SATB2: variants seen among roughly 807,000 people sequenced by gnomAD.
The protein encoded by SATB2 is DNA-binding protein SATB2.
A neutral mutation model predicts 73.4 loss-of-function variants in SATB2; 1 was observed. The observed-to-expected ratio is 0.01, with a 90% CI of 0.00 to 0.06. The LOEUF (loss-of-function observed/expected upper bound fraction) is 0.06, where lower values mean the gene tolerates loss of function less well. Among genes scored for constraint, SATB2 ranks in the 10% least tolerant of loss-of-function variants. The probability of loss-of-function intolerance (pLI) is 1.00; values close to 1 mark genes in which losing one functional copy is unlikely to be tolerated. For synonymous variants in SATB2, 397 were observed against 367.0 expected (o/e 1.08, Z -0.93); for missense variants, 459 against 945.8 (o/e 0.49, Z 6.75).
intron 10 of SATB2, among the ~76,000 whole-genome samples, chr2:199,273,255 C>A (rs1489593698): frequency 6.6e-6 from 1 of 152,152 alleles, no homozygotes; most frequent in East Asian, 1.9e-4. Context: ...CAGGAAAGGG[C>A]AAGATAGTAA....
chr2:199,307,538 T>C (rs1345472038), intron 10 of SATB2, among the ~76,000 whole-genome samples: 1 of 152,178 alleles, frequency 6.6e-6, no homozygotes, highest in Non-Finnish European at 1.5e-5. Context: ...GGGATCACTG[T>C]GGATATTGCA....
intron 3 of SATB2, among the ~76,000 whole-genome samples, chr2:199,391,432 C>CAAAA (rs56190034): frequency 9.1e-5 from 9 of 98,574 alleles, no homozygotes; most frequent in African/African-American, 2.0e-4. Context: ...GACTCCGTCT[C>CAAAA]AAAAAAAAAA....
At chr2:199,379,531 T>TA (rs1485287199) in intron 5 of SATB2, among the ~76,000 whole-genome samples, 1 of 152,136 alleles carries the variant, frequency 6.6e-6, no homozygotes, top group Non-Finnish European at 1.5e-5. Context: ...GCCTGCCACT[T>TA]AGCCAGCTAG....
At chr2:199,364,320 G>A (rs377042089) in intron 6 of SATB2, among the ~76,000 whole-genome samples, 11 of 152,192 alleles carry the variant, frequency 7.2e-5, no homozygotes, top group Admixed American at 2.0e-4. Context: ...TGTGTTTACC[G>A]AAACCCTTCA....
intron 3 of SATB2, among the ~76,000 whole-genome samples, chr2:199,403,162 A>G (rs1349000401): frequency 3.9e-5 from 6 of 152,168 alleles, no homozygotes; most frequent in African/African-American, 1.4e-4. Flanking sequence ...AGAGTTATTG[A>G]TAATATTTTT....
intron 3 of SATB2, among the ~76,000 whole-genome samples, chr2:199,410,974 C>A (rs377403595): frequency 1.1e-4 from 17 of 152,102 alleles, no homozygotes; most frequent in African/African-American, 2.7e-4. Flanking sequence ...ATCACAGACA[C>A]CTGGAATTTT....
intron 3 of SATB2, among the ~76,000 whole-genome samples, chr2:199,424,978 GTAC>G (rs1388805480): frequency 2.6e-5 from 4 of 152,168 alleles, no homozygotes; most frequent in Non-Finnish European, 5.9e-5. Context: ...AATGAAATCT[GTAC>G]TACATCTTCT....
chr2:199,421,088 C>T (rs902781970), intron 3 of SATB2, among the ~76,000 whole-genome samples: 1 of 152,062 alleles, frequency 6.6e-6, no homozygotes, highest in African/African-American at 2.4e-5. Flanking sequence ...CAGTATGAGC[C>T]GCATGACTCC....
intron 3 of SATB2, among the ~76,000 whole-genome samples, chr2:199,400,865 T>G (rs1162160634): frequency 6.6e-6 from 1 of 152,148 alleles, no homozygotes; most frequent in Non-Finnish European, 1.5e-5. Context: ...AAGTCTGTCT[T>G]AAATACCTGA....
intron 9 of SATB2, among the ~76,000 whole-genome samples, chr2:199,309,652 A>C (rs7600663): frequency 0.79 from 119,906 of 152,092 alleles, 48,953 homozygotes; most frequent in Non-Finnish European, 0.89. Flanking sequence ...CTGCATGAGA[A>C]AGAAAATGTA....
At chr2:199,439,034 AC>A (rs1379434458) in intron 2 of SATB2, among the ~76,000 whole-genome samples, 5 of 152,194 alleles carry the variant, frequency 3.3e-5, no homozygotes, top group African/African-American at 1.2e-4. Context: ...ACCCTTTACC[AC>A]TTGCTATGTC....
chr2:199,355,359 T>TATATATATA (rs1279892970), intron 6 of SATB2, among the ~76,000 whole-genome samples: 24 of 90,318 alleles, frequency 2.7e-4, no homozygotes, highest in Non-Finnish European at 5.7e-4. Context: ...TATATATATA[T>TATATATATA]ATATATATAT....
intron 6 of SATB2, among the ~76,000 whole-genome samples, chr2:199,357,929 C>T (rs1363554989): frequency 1.3e-5 from 2 of 152,070 alleles, no homozygotes; most frequent in Admixed American, 6.6e-5. Context: ...GGTATGCACA[C>T]TCACATAATA....
intron 5 of SATB2, among the ~76,000 whole-genome samples, chr2:199,378,265 A>C (rs1689661977): frequency 6.6e-6 from 1 of 152,186 alleles, no homozygotes; most frequent in Non-Finnish European, 1.5e-5. Context: ...GCCCTGGATA[A>C]ATTTCTGAAT....
intron 8 of SATB2, chr2:199,325,913 A>G (rs1405814069): frequency 1.3e-5 from 2 of 152,196 alleles, no homozygotes; most frequent in Non-Finnish European, 2.9e-5. Context: ...TAAGTACACC[A>G]TGGAATGCTG....
At chr2:199,426,874 T>G (rs1691352018) in intron 3 of SATB2, among the ~76,000 whole-genome samples, 1 of 152,136 alleles carries the variant, frequency 6.6e-6, no homozygotes, top group African/African-American at 2.4e-5. Flanking sequence ...GAGACATCTA[T>G]CTATTTATTT....
chr2:199,453,904 T>C (rs1291448267), intron 2 of SATB2, among the ~76,000 whole-genome samples: 2 of 152,078 alleles, frequency 1.3e-5, no homozygotes, highest in Non-Finnish European at 1.5e-5. Flanking sequence ...GACAAAATAA[T>C]GTCATCTTTA....
At chr2:199,317,769 T>C (rs1451931125) in intron 9 of SATB2, among the ~76,000 whole-genome samples, 1 of 151,952 alleles carries the variant, frequency 6.6e-6, no homozygotes, top group Non-Finnish European at 1.5e-5. Flanking sequence ...TAGAATCTGA[T>C]TTCTTGAGAT....
At chr2:199,337,317 A>C (rs1049222361) in intron 7 of SATB2, among the ~76,000 whole-genome samples, 4 of 152,220 alleles carry the variant, frequency 2.6e-5, no homozygotes, top group Non-Finnish European at 5.9e-5. Flanking sequence ...AAAGTAAAAC[A>C]ACTTTCTTTC....
Sources: allele counts gnomAD v4.1 joint callset (sites outside exome capture counted in the v4.1 genomes callset), GRCh38; gene constraint gnomAD v4.1.1; transcripts MANE v1.5; gene names NCBI Gene and HGNC (gene_info 2026-07-23, HGNC 2026-07-21).